Variants in FOXK1 observed in about 807,000 individuals in gnomAD.
FOXK1 encodes forkhead box K1.
Under a neutral mutation model 51.9 loss-of-function variants are expected in FOXK1, and 19 were observed. That is an observed-to-expected ratio of 0.37 (90% CI 0.26 to 0.54). FOXK1 has a LOEUF of 0.54. Among genes scored for constraint, FOXK1 ranks in the 20% least tolerant of loss-of-function variants. FOXK1 has a pLI of 0.87. For synonymous variants in FOXK1, 537 were observed against 482.6 expected (o/e 1.11, Z -1.48); for missense variants, 870 against 1,032.7 (o/e 0.84, Z 2.16).
intron 1 of FOXK1, among the ~76,000 whole-genome samples, chr7:4,696,619 C>G (rs1007804038): frequency 6.6e-6 from 1 of 152,178 alleles, no homozygotes; most frequent in Admixed American, 6.5e-5. Context: ...CTGGTTCTTT[C>G]GGGAGGCATT....
intron 1 of FOXK1, among the ~76,000 whole-genome samples, chr7:4,702,712 T>C (rs891247613): frequency 6.6e-6 from 1 of 152,224 alleles, no homozygotes; most frequent in African/African-American, 2.4e-5. Context: ...ATCTTCTTCA[T>C]GATCCTGTTT....
chr7:4,697,382 C>T (rs1779966790), intron 1 of FOXK1, among the ~76,000 whole-genome samples: 1 of 152,186 alleles, frequency 6.6e-6, no homozygotes, highest in South Asian at 2.1e-4. Context: ...CCAGCTGCAG[C>T]CTGTGGGCCA....
rs1313250592 is a variant in FOXK1, at chr7:4,731,396, C to T, written c.561-9442C>T. On this transcript the variant is annotated intron_variant, in intron 1 of 8. Transcript: ENST00000328914. The surrounding 1 kb of genome is among the most constrained non-coding windows in gnomAD (Gnocchi z 5.3). Reference sequence around the variant, plus strand: ...GAAAAGTACCTGGAGTATGTAACAGCTTTTGCCTCCCATTCTTGAGTCTTT... The same window carrying T: ...GAAAAGTACCTGGAGTATGTAACAGTTTTTGCCTCCCATTCTTGAGTCTTT... Among the ~76,000 whole-genome samples, 1 of 152,230 alleles carries T rather than the reference C, an allele frequency of 6.6e-6. No individual in the cohort carries two copies. The highest frequency in any genetic ancestry group is 1.5e-5 in the Non-Finnish European group (1 of 68,042).
rs1780685265 is a variant in FOXK1 at position 4,745,126 on chromosome 7, G to T, written c.746+4103G>T. ...CTCTGGCTGCGCTCCCTAACAGATC[G>T]GGAGGTGGGAGCGGGGCCAGGCCAG... On this transcript the variant is annotated intron_variant, in intron 2 of 8. Coordinates refer to ENST00000328914, the MANE Select transcript of FOXK1 (RefSeq NM_001037165.2). The surrounding 1 kb of genome is among the most constrained non-coding windows in gnomAD (Gnocchi z 4.3). Among the ~76,000 whole-genome samples, 1 of 152,190 alleles carries T rather than the reference G, an allele frequency of 6.6e-6. No homozygotes were observed. The highest frequency in any genetic ancestry group is 2.4e-5 in the African/African-American group (1 of 41,452).
intron 1 of FOXK1, among the ~76,000 whole-genome samples, chr7:4,712,047 C>T (rs904156836): frequency 6.6e-6 from 1 of 150,492 alleles, no homozygotes; most frequent in Non-Finnish European, 1.5e-5. Flanking sequence ...AGAGGTGGAT[C>T]ATCTGTGCTT....
At chr7:4,696,730 C>T (rs575737858) in intron 1 of FOXK1, among the ~76,000 whole-genome samples, 70 of 152,282 alleles carry the variant, frequency 4.6e-4, no homozygotes, top group Non-Finnish European at 4.4e-4. Flanking sequence ...AAAACCTTGC[C>T]TATGGAAAGT....
chr7:4,740,234 T>C (rs1780614801), intron 1 of FOXK1, among the ~76,000 whole-genome samples: 1 of 151,822 alleles, frequency 6.6e-6, no homozygotes, highest in East Asian at 1.9e-4. Flanking sequence ...ATCGAGACCA[T>C]CCTGGCTAAC....
rs1780691356 is a variant in FOXK1 at position 4,745,480 on chromosome 7, G to T, written c.746+4457G>T. ...GGTGTGGGTGTGTGGTTTTGTGTGT[G>T]TGTGTGTGTTTCTGATTTATTTTTT... is the stretch of plus-strand genomic sequence containing the variant. On this transcript the variant is annotated intron_variant, in intron 2 of 8. Transcript: ENST00000328914. The surrounding 1 kb of genome is among the most constrained non-coding windows in gnomAD (Gnocchi z 4.3). Among the ~76,000 whole-genome samples, 1 of 151,914 alleles carries T rather than the reference G, an allele frequency of 6.6e-6. No homozygotes were observed. The highest frequency in any genetic ancestry group is 2.4e-5 in the African/African-American group (1 of 41,394).
At chr7:4,746,920 C>G (rs1780710067) in intron 2 of FOXK1, among the ~76,000 whole-genome samples, 2 of 152,336 alleles carry the variant, frequency 1.3e-5, no homozygotes, top group South Asian at 2.1e-4. Flanking sequence ...CCACCACACC[C>G]TCTTATGTCT....
At chr7:4,754,048 T>C (rs759223843) in intron 2 of FOXK1, among the ~76,000 whole-genome samples, 6 of 152,150 alleles carry the variant, frequency 3.9e-5, no homozygotes, top group Non-Finnish European at 8.8e-5. Flanking sequence ...GGCCCGAGCC[T>C]TTTCCCACAG....
rs1780690922 is a variant in FOXK1 at position 4,745,469 on chromosome 7, G to GTT, written c.746+4449_746+4450dup. ...GGGTGGGTATGGGTGTGGGTGTGTG[G>GTT]TTTTGTGTGTGTGTGTGTGTTTCTG... On this transcript the variant is annotated intron_variant, in intron 2 of 8. Coordinates refer to ENST00000328914, the MANE Select transcript of FOXK1 (RefSeq NM_001037165.2). The surrounding 1 kb of genome is among the most constrained non-coding windows in gnomAD (Gnocchi z 4.3). Among the ~76,000 whole-genome samples, 1 of 117,416 alleles carries GTT rather than the reference G, an allele frequency of 8.5e-6. No individual in the cohort carries two copies. The highest frequency in any genetic ancestry group is 5.8e-4 in the East Asian group (1 of 1,722). 77.0% of individuals were successfully genotyped at this position (117,416 alleles called of 152,430 possible).
chr7:4,700,635 G>C (rs1035016954), intron 1 of FOXK1, among the ~76,000 whole-genome samples: 70 of 152,194 alleles, frequency 4.6e-4, no homozygotes, highest in Admixed American at 3.2e-3. Flanking sequence ...GGGCAACATG[G>C]TGAAACCCCG....
Position 4,753,693 on chromosome 7 carries a change from T to A in FOXK1, c.747-766T>A, listed in dbSNP as rs116179435. Among the ~76,000 whole-genome samples the A allele has an allele frequency of 0.021, 3,135 of 152,274 alleles. 104 individuals are homozygous for A. The highest frequency in any genetic ancestry group is 0.071 in the African/African-American group (2,964 of 41,550). ...TTTCAGAAGCAAAACATCGCCGTGG[T>A]TTGCTGACGGAAGCCTGCCTTAGTG... On this transcript the variant is annotated intron_variant, in intron 2 of 8. Transcript: ENST00000328914. This position sits in a 1 kb window ranked among gnomAD's most constrained non-coding sequence, Gnocchi z 4.9.
intron 2 of FOXK1, among the ~76,000 whole-genome samples, chr7:4,742,586 T>C (rs981130472): frequency 2.6e-5 from 4 of 151,872 alleles, no homozygotes; most frequent in African/African-American, 9.7e-5. Flanking sequence ...CCACTTAATT[T>C]TCTTATCTTT....
intron 2 of FOXK1, among the ~76,000 whole-genome samples, chr7:4,750,594 C>A (rs369243684): frequency 6.6e-6 from 1 of 151,986 alleles, no homozygotes; most frequent in Non-Finnish European, 1.5e-5. Flanking sequence ...AAGTGCCCGC[C>A]ACCACACCCA....
intron 1 of FOXK1, among the ~76,000 whole-genome samples, chr7:4,698,423 TA>T (rs1433768312): frequency 6.6e-5 from 10 of 152,254 alleles, no homozygotes; most frequent in Admixed American, 2.6e-4. Flanking sequence ...AAAGATATTT[TA>T]TTCACACCTA....
rs1780690364 is a variant in FOXK1, at chr7:4,745,430, C to T, written c.746+4407C>T. 6.6e-6 allele frequency among the ~76,000 whole-genome samples: 1 copy of T among 151,750 alleles called. No individual in the cohort carries two copies. On this transcript the variant is annotated intron_variant, in intron 2 of 8. Transcript: ENST00000328914. This position sits in a 1 kb window ranked among gnomAD's most constrained non-coding sequence, Gnocchi z 4.3. ...TTTCCGTTTCTCGCAGGCCCTCGCT[C>T]CTTTTCCCAGGGTGGGTGGGTATGG...
chr7:4,704,637 G>A (rs1320176665), intron 1 of FOXK1, among the ~76,000 whole-genome samples: 1 of 152,022 alleles, frequency 6.6e-6, no homozygotes, highest in Non-Finnish European at 1.5e-5. Flanking sequence ...AGGAGGGATT[G>A]CCCTGTGTGC....
At chr7:4,704,993 G>A (rs780651050) in intron 1 of FOXK1, among the ~76,000 whole-genome samples, 6 of 151,040 alleles carry the variant, frequency 4.0e-5, no homozygotes, top group Non-Finnish European at 5.9e-5. Context: ...CACCACGCCC[G>A]GCTAACTTTT....
Sources: allele counts gnomAD v4.1 joint callset (sites outside exome capture counted in the v4.1 genomes callset), GRCh38; gene constraint gnomAD v4.1.1; non-coding constraint Gnocchi (gnomAD v3.1); transcripts MANE v1.5; gene names NCBI Gene and HGNC (gene_info 2026-07-23, HGNC 2026-07-21).